Variants in SEMA6D observed in about 807,000 individuals in gnomAD.
SEMA6D encodes the protein semaphorin 6D, also known as semaphorin-6D.
A neutral mutation model predicts 106.6 loss-of-function variants in SEMA6D; 35 were observed. That is an observed-to-expected ratio of 0.33 (90% CI 0.25 to 0.44). SEMA6D has a LOEUF of 0.44. Among genes scored for constraint, SEMA6D ranks in the 20% least tolerant of loss-of-function variants. The pLI is 1.00. For missense variants in SEMA6D, 1,185 were observed against 1,345.9 expected (o/e 0.88, Z 1.87); for synonymous variants, 499 against 487.7 (o/e 1.02, Z -0.31).
At chr15:47,491,951 G>GT (rs1342524493) in intron 3 of SEMA6D, among the ~76,000 whole-genome samples, 5 of 152,144 alleles carry the variant, frequency 3.3e-5, no homozygotes, top group Non-Finnish European at 7.4e-5. Context: ...ATTGTAGCTA[G>GT]TTATTAGCTT....
intron 2 of SEMA6D, among the ~76,000 whole-genome samples, chr15:47,465,346 CAAG>C (rs199497757): frequency 0.011 from 1,742 of 152,242 alleles, 32 homozygotes; most frequent in African/African-American, 0.041. Context: ...GATGTTTGTA[CAAG>C]AAGAAGTGGG....
At chr15:47,375,887 G>A (rs942264681) in intron 1 of SEMA6D, among the ~76,000 whole-genome samples, 3 of 152,152 alleles carry the variant, frequency 2.0e-5, no homozygotes, top group African/African-American at 7.2e-5. Flanking sequence ...TTAAATGCTG[G>A]TGATACATAT....
At chr15:47,759,957 T>A in intron 2 of SEMA6D, 50 bp downstream of exon 2, 1 of 1,344,132 alleles carries the variant, frequency 7.4e-7, no homozygotes, top group Non-Finnish European at 1.1e-6. Context: ...AGCTTTTCTG[T>A]TTTTCATTCT....
At chr15:47,224,454 A>G (rs763768828) in intron 1 of SEMA6D, among the ~76,000 whole-genome samples, 13 of 152,066 alleles carry the variant, frequency 8.5e-5, no homozygotes, top group Admixed American at 1.3e-4. Context: ...AATTTTAACA[A>G]TAACCCTGTG....
At chr15:47,246,598 C>T (rs2033217351) in intron 1 of SEMA6D, among the ~76,000 whole-genome samples, 1 of 152,190 alleles carries the variant, frequency 6.6e-6, no homozygotes, top group African/African-American at 2.4e-5. Context: ...ATCTTCGTAG[C>T]CAGCAATGCA....
At chr15:47,272,311 T>C (rs778455349) in intron 1 of SEMA6D, among the ~76,000 whole-genome samples, 2 of 152,134 alleles carry the variant, frequency 1.3e-5, no homozygotes, top group African/African-American at 2.4e-5. Flanking sequence ...GTCAATTAAA[T>C]CTCTACTCAA....
intron 1 of SEMA6D, among the ~76,000 whole-genome samples, chr15:47,222,217 T>C (rs2031270170): frequency 6.6e-6 from 1 of 152,188 alleles, no homozygotes; most frequent in Admixed American, 6.5e-5. Flanking sequence ...CACTTAGGAA[T>C]AGACATCCTA....
intron 4 of SEMA6D, among the ~76,000 whole-genome samples, chr15:47,664,174 C>G (rs2077980931): frequency 6.6e-6 from 1 of 152,140 alleles, no homozygotes; most frequent in African/African-American, 2.4e-5. Flanking sequence ...TATTTCTGCT[C>G]AACTATCATA....
At chr15:47,735,093 A>G (rs1036666519) in intron 1 of SEMA6D, among the ~76,000 whole-genome samples, 3 of 152,188 alleles carry the variant, frequency 2.0e-5, no homozygotes, top group Admixed American at 1.3e-4. Flanking sequence ...ACTCTAATAT[A>G]CAAATATTGA....
At chr15:47,449,167 C>T (rs1461057040) in intron 2 of SEMA6D, among the ~76,000 whole-genome samples, 1 of 151,834 alleles carries the variant, frequency 6.6e-6, no homozygotes, top group Non-Finnish European at 1.5e-5. Context: ...TTTATTGAGG[C>T]ATAAAGGAAA....
At chr15:47,661,236 T>C (rs2077911823) in intron 4 of SEMA6D, among the ~76,000 whole-genome samples, 2 of 152,312 alleles carry the variant, frequency 1.3e-5, no homozygotes, top group Non-Finnish European at 2.9e-5. Context: ...CTCTATTTGG[T>C]TTTGAGGTAG....
chr15:47,456,100 T>C (rs928692672), intron 2 of SEMA6D, among the ~76,000 whole-genome samples: 4 of 151,908 alleles, frequency 2.6e-5, no homozygotes, highest in Admixed American at 6.6e-5. Context: ...TATTGTTCTT[T>C]AGGAGCTTAC....
chr15:47,571,131 G>C (rs766557061), intron 3 of SEMA6D, among the ~76,000 whole-genome samples: 13 of 151,916 alleles, frequency 8.6e-5, no homozygotes, highest in Non-Finnish European at 1.3e-4. Flanking sequence ...TATCTTACAC[G>C]TTCACTGTGA....
At chr15:47,661,619 A>T (rs1400602568) in intron 4 of SEMA6D, among the ~76,000 whole-genome samples, 1 of 152,200 alleles carries the variant, frequency 6.6e-6, no homozygotes, top group Non-Finnish European at 1.5e-5. Flanking sequence ...GCTCTGTGGG[A>T]AAATGGAGAC....
At chr15:47,222,779 C>T (rs2031318578) in intron 1 of SEMA6D, among the ~76,000 whole-genome samples, 1 of 152,136 alleles carries the variant, frequency 6.6e-6, no homozygotes, top group South Asian at 2.1e-4. Context: ...TTAACAGATG[C>T]CCAGTCTCTT....
chr15:47,396,136 G>A (rs750678906), intron 1 of SEMA6D, among the ~76,000 whole-genome samples: 2 of 152,046 alleles, frequency 1.3e-5, no homozygotes, highest in Non-Finnish European at 2.9e-5. Flanking sequence ...ACCAAAACCC[G>A]ACCGTGCTGG....
intron 1 of SEMA6D, among the ~76,000 whole-genome samples, chr15:47,196,024 G>GA (rs896857119): frequency 3.5e-5 from 1 of 28,970 alleles, no homozygotes; most frequent in African/African-American, 6.5e-5. Context: ...GAAAGTTTCA[G>GA]ATTTTTTTTT....
intron 1 of SEMA6D, among the ~76,000 whole-genome samples, chr15:47,246,499 T>C (rs534657418): frequency 6.6e-6 from 1 of 152,318 alleles, no homozygotes; most frequent in South Asian, 2.1e-4. Context: ...GTTGCATTCC[T>C]TTCTGATGAT....
intron 4 of SEMA6D, among the ~76,000 whole-genome samples, chr15:47,657,719 C>CTTTTTATTT (rs2077825704): frequency 1.8e-5 from 1 of 54,654 alleles, no homozygotes; most frequent in Non-Finnish European, 3.2e-5. Context: ...GGCTTCATTT[C>CTTTTTATTT]TTTTTTTTTT....
Sources: gnomAD v4.1 joint callset for allele counts (sites outside exome capture counted in the v4.1 genomes callset) on GRCh38, gnomAD v4.1.1 for gene constraint, MANE v1.5 for transcripts, NCBI Gene and HGNC (gene_info 2026-07-23, HGNC 2026-07-21) for gene names.